The following SMYD3 variants were observed in gnomAD, a reference collection of about 807,000 sequenced individuals.
SMYD3 encodes the protein SET and MYND domain containing 3, also known as histone-lysine N-methyltransferase SMYD3.
A neutral mutation model predicts 57.7 loss-of-function variants in SMYD3; 36 were observed. The observed-to-expected ratio is 0.62, with a 90% CI of 0.48 to 0.82. The LOEUF (loss-of-function observed/expected upper bound fraction) is 0.82, where lower values mean the gene tolerates loss of function less well. Among genes scored for constraint, SMYD3 ranks in the 40% least tolerant of loss-of-function variants. The pLI is 0.00. For missense variants in SMYD3, 515 were observed against 538.8 expected, an observed-to-expected ratio of 0.96 and a Z score of 0.44; for synonymous variants, 211 against 195.0, an observed-to-expected ratio of 1.08 and a Z score of -0.68.
chr1:246,336,119 T>C (rs2065539698), intron 2 of SMYD3, among the ~76,000 whole-genome samples: 1 of 152,214 alleles, frequency 6.6e-6, no homozygotes, highest in Admixed American at 6.5e-5. Flanking sequence ...TGACAAATTA[T>C]ATGGTCACCT....
rs189025156 is a variant in SMYD3 at position 245,982,693 on chromosome 1, A to G, written c.532-52756T>C. On this transcript the variant is annotated intron_variant, in intron 5 of 11. Transcript: ENST00000490107. ...TCAAGGAACTACGGAAACATTGCAT[A>G]TTCCACTAAACTGTGTTTACAATAT... is the stretch of plus-strand genomic sequence containing the variant. 6.6e-5 allele frequency among the ~76,000 whole-genome samples: 10 copies of G among 152,368 alleles called. No homozygotes were observed. In the East Asian group the frequency reaches 1.9e-3, roughly 29 times the overall value.
chr1:246,018,603 A>C (rs551976268), intron 5 of SMYD3, among the ~76,000 whole-genome samples: 129 of 152,156 alleles, frequency 8.5e-4, no homozygotes, highest in African/African-American at 2.9e-3. Context: ...CATTGATTTT[A>C]AACTTTTTTT....
At chr1:246,239,485 T>A (rs529778789) in intron 5 of SMYD3, among the ~76,000 whole-genome samples, 20 of 152,352 alleles carry the variant, frequency 1.3e-4, no homozygotes, top group African/African-American at 3.8e-4. Flanking sequence ...ATTTTCTTAA[T>A]CCAGTCTATG....
intron 5 of SMYD3, among the ~76,000 whole-genome samples, chr1:246,016,808 C>T (rs1340170139): frequency 3.3e-5 from 5 of 151,872 alleles, no homozygotes; most frequent in Admixed American, 6.6e-5. Flanking sequence ...ATTATGTTAC[C>T]GAGAATAAAA....
chr1:246,026,884 G>A (rs2059583804), intron 5 of SMYD3, among the ~76,000 whole-genome samples: 2 of 152,162 alleles, frequency 1.3e-5, no homozygotes, highest in Non-Finnish European at 2.9e-5. Context: ...GACATGTCGA[G>A]AACTAAGATA....
chr1:245,857,960 C>G (rs2051337164), intron 10 of SMYD3, among the ~76,000 whole-genome samples: 1 of 152,214 alleles, frequency 6.6e-6, no homozygotes, highest in Non-Finnish European at 1.5e-5. Context: ...CAAGGAGAAG[C>G]TGAGGCAGGG....
At chr1:245,774,992 G>C (rs1480137601) in intron 10 of SMYD3, among the ~76,000 whole-genome samples, 3 of 152,104 alleles carry the variant, frequency 2.0e-5, no homozygotes, top group Admixed American at 6.5e-5. Flanking sequence ...ACGGAGTCTC[G>C]TTCACTCAGT....
At chr1:246,256,037 T>G (rs1046322349) in intron 5 of SMYD3, among the ~76,000 whole-genome samples, 18 of 152,048 alleles carry the variant, frequency 1.2e-4, no homozygotes, top group African/African-American at 4.4e-4. Context: ...TACATAGATA[T>G]AAACGGGAGT....
intron 5 of SMYD3, among the ~76,000 whole-genome samples, chr1:246,044,527 A>G (rs1201221121): frequency 6.6e-6 from 1 of 152,184 alleles, no homozygotes; most frequent in Non-Finnish European, 1.5e-5. Flanking sequence ...TTTATAGATC[A>G]GTCAGGCTCC....
At chr1:245,999,277 A>T (rs2058991591) in intron 5 of SMYD3, among the ~76,000 whole-genome samples, 1 of 152,236 alleles carries the variant, frequency 6.6e-6, no homozygotes, top group African/African-American at 2.4e-5. Flanking sequence ...TGCAAAAAGC[A>T]CACAGAATAA....
In SMYD3 at chr1:245,812,815, C is replaced by T. The variant is rs539293269; in HGVS notation, c.1076+45681G>A. On this transcript the variant is annotated intron_variant, in intron 10 of 11. Transcript: ENST00000490107. Reference sequence around the variant, plus strand: ...ACTCAGAGTGGGCTGGGAGGGAAGGCTTCATCATTTATCAGGATATAGTCA... The same window carrying T: ...ACTCAGAGTGGGCTGGGAGGGAAGGTTTCATCATTTATCAGGATATAGTCA... 2.6e-5 allele frequency among the ~76,000 whole-genome samples: 4 copies of T among 151,578 alleles called. No individual in the cohort carries two copies. In the South Asian group the frequency reaches 8.4e-4, roughly 32 times the overall value.
chr1:245,934,146 A>G (rs182090791), intron 5 of SMYD3, among the ~76,000 whole-genome samples: 1 of 152,252 alleles, frequency 6.6e-6, no homozygotes, highest in African/African-American at 2.4e-5. Context: ...TGTCTGGCAC[A>G]GAAGACTTTA....
intron 1 of SMYD3, among the ~76,000 whole-genome samples, chr1:246,411,152 T>C (rs1398777821): frequency 4.6e-5 from 7 of 152,210 alleles, no homozygotes; most frequent in Non-Finnish European, 1.0e-4. Context: ...AAGGGTTTTT[T>C]GTGTCTCCAT....
intron 5 of SMYD3, among the ~76,000 whole-genome samples, chr1:245,998,368 G>A (rs555725274): frequency 4.4e-4 from 67 of 152,284 alleles, no homozygotes; most frequent in Non-Finnish European, 7.2e-4. Context: ...ATAATTCTAA[G>A]TCAGTGACCT....
chr1:246,424,106 G>T (rs1482756944), intron 1 of SMYD3, among the ~76,000 whole-genome samples: 1 of 152,122 alleles, frequency 6.6e-6, no homozygotes, highest in African/African-American at 2.4e-5. Flanking sequence ...TGAATACAAA[G>T]AAATGAAGAG....
chr1:246,000,125 C>T (rs1317363375), intron 5 of SMYD3, among the ~76,000 whole-genome samples: 3 of 152,178 alleles, frequency 2.0e-5, no homozygotes, highest in African/African-American at 7.2e-5. Flanking sequence ...AATAAAAATT[C>T]GTGATGATGA....
chr1:246,409,835 A>G (rs1314710175), intron 1 of SMYD3, among the ~76,000 whole-genome samples: 7 of 152,012 alleles, frequency 4.6e-5, no homozygotes, highest in Non-Finnish European at 1.0e-4. Context: ...ATTTCTTTGT[A>G]TCCTCTTTTA....
intron 5 of SMYD3, among the ~76,000 whole-genome samples, chr1:246,110,895 C>T (rs1316405732): frequency 6.6e-6 from 1 of 152,124 alleles, no homozygotes; most frequent in East Asian, 1.9e-4. Context: ...GGGTTCTAAA[C>T]CATGAACCAT....
chr1:246,335,122 A>G (rs1197384561), intron 3 of SMYD3, among the ~76,000 whole-genome samples: 2 of 152,180 alleles, frequency 1.3e-5, no homozygotes, highest in Non-Finnish European at 2.9e-5. Context: ...TTTTTAATTA[A>G]AGTATGTACA....
Sources: gnomAD v4.1 joint callset for allele counts (sites outside exome capture counted in the v4.1 genomes callset) on GRCh38, gnomAD v4.1.1 for gene constraint, MANE v1.5 for transcripts, NCBI Gene and HGNC (gene_info 2026-07-23, HGNC 2026-07-21) for gene names.